ZNF140: variants seen among roughly 807,000 people sequenced by gnomAD.
The protein encoded by ZNF140 is zinc finger protein 140 (clone pHZ-39).
Under a neutral mutation model 12.9 loss-of-function variants are expected in ZNF140, and 13 were observed. The observed-to-expected ratio is 1.01, with a 90% CI of 0.66 to 1.60. ZNF140 has a LOEUF of 1.60. Among genes scored for constraint, ZNF140 ranks in the 40% most tolerant of loss-of-function variants. The probability of loss-of-function intolerance (pLI) is 0.00; values close to 1 mark genes in which losing one functional copy is unlikely to be tolerated. For synonymous variants in ZNF140, 214 were observed against 186.7 expected (o/e 1.15, Z -1.19); for missense variants, 531 against 548.8 (o/e 0.97, Z 0.32).
At chr12:133,101,475 C>T (rs1296115737) in intron 4 of ZNF140, among the ~76,000 whole-genome samples, 2 of 152,068 alleles carry the variant, frequency 1.3e-5, no homozygotes, top group Admixed American at 6.6e-5. Flanking sequence ...GATGGAGTCT[C>T]GCTCTGTCAC....
At position 133,106,261 on chromosome 12, in the gene ZNF140, G is replaced by T. The variant is rs529439392; in HGVS notation, c.984G>T (p.Pro328=). The T allele has an allele frequency of 1.2e-5, 20 of 1,613,954 alleles. No individual in the cohort carries two copies. In the Admixed American group the frequency reaches 1.5e-4, roughly 12 times the overall value. The change falls in exon 5 of 5, where the codon CCG becomes CCT. Residue 328 remains proline (P), a synonymous_variant. Transcript: ENST00000355557. The stretch of plus-strand genomic sequence containing the variant: ...AGAGCATCCATACAACCAAAACCCC[G>T]TATGAATGTAATGAATGTAGGAAAG... ...RHQSIHTTKT[P]YECNECRKAF...
intron 4 of ZNF140, among the ~76,000 whole-genome samples, chr12:133,095,041 A>C (rs147561854): frequency 1.3e-5 from 2 of 151,124 alleles, no homozygotes; most frequent in South Asian, 4.2e-4. Context: ...TGAAACTCTA[A>C]CTTCTTCTGT....
chr12:133,091,727 T>G (rs1349747227), intron 4 of ZNF140, among the ~76,000 whole-genome samples: 2 of 151,168 alleles, frequency 1.3e-5, no homozygotes, highest in African/African-American at 4.9e-5. Context: ...GTGACAGGGT[T>G]AAGATTTGTG....
Position 133,106,620 on chromosome 12 carries a change from A to T in ZNF140, c.1343A>T (p.Asn448Ile), listed in dbSNP as rs1402749594. Residue 448 changes from asparagine to isoleucine, a missense_variant, in exon 5 of 5, where the codon AAT becomes ATT. Asn to Ile is a moderately radical substitution (Grantham distance 149). Transcript: ENST00000355557. Reference protein sequence around the residue: ...DNPYEYENSFNYHSFLTEHQ With the variant: ...DNPYEYENSFIYHSFLTEHQ ...CCCTATGAATATGAAAATTCATTTAATTACCACTCATTCCTTACTGAACAC... is the reference window on the plus strand; with the variant it reads ...CCCTATGAATATGAAAATTCATTTATTTACCACTCATTCCTTACTGAACAC... The T allele has an allele frequency of 5.6e-6, 9 of 1,602,040 alleles. No homozygotes were observed. The highest frequency in any genetic ancestry group is 5.2e-5 in the Admixed American group (3 of 57,902).
intron 4 of ZNF140, chr12:133,093,328 C>T: frequency 1.5e-6 from 1 of 655,816 alleles, no homozygotes; most frequent in Non-Finnish European, 2.8e-6. Context: ...CTCCTGCAGA[C>T]ATAGGGAGAC....
At chr12:133,091,713 C>T (rs1276098862) in intron 4 of ZNF140, among the ~76,000 whole-genome samples, 1 of 150,834 alleles carries the variant, frequency 6.6e-6, no homozygotes, top group African/African-American at 2.5e-5. Flanking sequence ...TGGTTTTAAC[C>T]CAAGTGACAG....
chr12:133,106,251 C>A lies in ZNF140; in HGVS notation c.974C>A (p.Thr325Asn), dbSNP rs762269526. The A allele has an allele frequency of 1.2e-6, 2 of 1,614,136 alleles. No homozygotes were observed. Among genetic ancestry groups the A allele is most frequent in the African/African-American group, 2.7e-5 (2 of 75,024 alleles). ...HLTRHQSIHTTKTPYECNECR... is the reference protein window; with the variant it reads ...HLTRHQSIHTNKTPYECNECR... ...ACTCGACATCAGAGCATCCATACAA[C>A]CAAAACCCCGTATGAATGTAATGAA... Residue 325 changes from threonine to asparagine, a missense_variant, in exon 5 of 5, where the codon ACC becomes AAC. Physicochemically the swap from Thr to Asn is moderately conservative, Grantham distance 65. Transcript: ENST00000355557.
intron 4 of ZNF140, among the ~76,000 whole-genome samples, chr12:133,100,505 C>T (rs1955309026): frequency 6.6e-6 from 1 of 152,122 alleles, no homozygotes; most frequent in Non-Finnish European, 1.5e-5. Context: ...CACTTATGCA[C>T]TTGTGGTTGC....
At chr12:133,085,675 T>C (rs927360817) in intron 4 of ZNF140, among the ~76,000 whole-genome samples, 15 of 152,210 alleles carry the variant, frequency 9.9e-5, no homozygotes, top group Non-Finnish European at 1.9e-4. Flanking sequence ...TAACTTTATA[T>C]AGAAAGATTT....
chr12:133,098,635 C>T (rs1225899774), intron 4 of ZNF140, among the ~76,000 whole-genome samples: 1 of 152,172 alleles, frequency 6.6e-6, no homozygotes, highest in Non-Finnish European at 1.5e-5. Context: ...TCATTTTTTC[C>T]TCCAGTCCTT....
At chr12:133,093,338 CTTACCACCG>C (rs1376880540) in intron 4 of ZNF140, 4 of 665,282 alleles carry the variant, frequency 6.0e-6, no homozygotes, top group Non-Finnish European at 1.1e-5. Flanking sequence ...CATAGGGAGA[CTTACCACCG>C]TTGATACAAT....
Position 133,096,549 on chromosome 12 carries a change from C to T in ZNF140, c.233-8961C>T, listed in dbSNP as rs1388108716. Among the ~76,000 whole-genome samples the T allele has an allele frequency of 5.3e-5, 8 of 152,314 alleles. No individual in the cohort carries two copies. In the South Asian group the frequency reaches 1.7e-3, roughly 32 times the overall value. On this transcript the variant is annotated intron_variant, in intron 4 of 4. Transcript: ENST00000355557. Reference sequence around the variant, plus strand: ...TTTAAGCACTGCTTTCACTGCATCCCACTGATTATCCCACTGAAATAAGTT... The same window carrying T: ...TTTAAGCACTGCTTTCACTGCATCCTACTGATTATCCCACTGAAATAAGTT...
chr12:133,088,543 A>G (rs1406281535), intron 4 of ZNF140, among the ~76,000 whole-genome samples: 1 of 152,208 alleles, frequency 6.6e-6, no homozygotes, highest in African/African-American at 2.4e-5. Context: ...CAAAGTTTTG[A>G]CAATTTTGAA....
chr12:133,102,760 A>AAG (rs1566320898), intron 4 of ZNF140, among the ~76,000 whole-genome samples: 8 of 151,146 alleles, frequency 5.3e-5, no homozygotes, highest in Non-Finnish European at 8.9e-5. Context: ...TAAAAAAAAA[A>AAG]AAAAGAAAAA....
chr12:133,096,300 A>G (rs1420049830), intron 4 of ZNF140, among the ~76,000 whole-genome samples: 1 of 152,108 alleles, frequency 6.6e-6, no homozygotes, highest in East Asian at 1.9e-4. Flanking sequence ...CATTGATTTT[A>G]TACAACACGT....
intron 1 of ZNF140, 46 bp from the exon 2 acceptor site, chr12:133,081,227 G>A: frequency 4.1e-6 from 4 of 972,572 alleles, no homozygotes; most frequent in East Asian, 2.7e-5. Flanking sequence ...ACTTGGGCGC[G>A]GCCTAGCTGG....
chr12:133,100,160 G>GTTTTTTTT lies in ZNF140; in HGVS notation c.233-5330_233-5323dup, dbSNP rs58610589. On this transcript the variant is annotated intron_variant, in intron 4 of 4. Coordinates refer to ENST00000355557, the MANE Select transcript of ZNF140 (RefSeq NM_003440.4). ...CATCCAAAAATTTAATGCCTTTTCC[G>GTTTTTTTT]TTTTTTTTTTTTTTTTTTTTTTTTT... 1.4e-3 allele frequency among the ~76,000 whole-genome samples: 84 copies of GTTTTTTTT among 60,984 alleles called. 10 individuals are homozygous for GTTTTTTTT. The highest frequency in any genetic ancestry group is 4.6e-3 in the African/African-American group (58 of 12,638). 40.0% of individuals were successfully genotyped at this position (60,984 alleles called of 152,430 possible).
rs755302022 is a variant in ZNF140 at position 133,105,925 on chromosome 12, C to A, written c.648C>A (p.Pro216=). 3.7e-6 allele frequency: 6 copies of A among 1,614,136 alleles called. No homozygotes were observed. The Admixed American group carries it at 1.0e-4, about 27-fold the overall frequency. ...AAATGATACATACTGGAAAGAAACC[C>A]CATGAGTGTAAGGACTGTAATAAAA... ...KHQMIHTGKK[P]HECKDCNKTF... The change falls in exon 5 of 5, where the codon CCC becomes CCA. Residue 216 remains proline (P), a synonymous_variant. Transcript: ENST00000355557.
In ZNF140 at chr12:133,088,658, A is replaced by C. The variant is rs2137504561; in HGVS notation, c.232+5097A>C. Among the ~76,000 whole-genome samples, 3 of 152,334 alleles carry C rather than the reference A, an allele frequency of 2.0e-5. No homozygotes were observed. The East Asian group carries it at 5.8e-4, about 29-fold the overall frequency. On this transcript the variant is annotated intron_variant, in intron 4 of 4. Coordinates refer to ENST00000355557, the MANE Select transcript of ZNF140 (RefSeq NM_003440.4). ...TGGGTCATATGGTAAGAATATATTT[A>C]GTTTTGTAAGTAACTGCCAAAATGT...
Sources: allele counts gnomAD v4.1 joint callset (sites outside exome capture counted in the v4.1 genomes callset), GRCh38; gene constraint gnomAD v4.1.1; transcripts MANE v1.5; gene names NCBI Gene and HGNC (gene_info 2026-07-23, HGNC 2026-07-21).